GDAP2: variants seen among roughly 807,000 people sequenced by gnomAD.
GDAP2 encodes the protein ganglioside-induced differentiation-associated protein 2.
Under a neutral mutation model 67.0 loss-of-function variants are expected in GDAP2, and 51 were observed. That is an observed-to-expected ratio of 0.76 (90% CI 0.61 to 0.96). The LOEUF (loss-of-function observed/expected upper bound fraction) is 0.96, where lower values mean the gene tolerates loss of function less well. Among genes scored for constraint, GDAP2 ranks in the 40% least tolerant of loss-of-function variants. The probability of loss-of-function intolerance (pLI) is 0.00; values close to 1 mark genes in which losing one functional copy is unlikely to be tolerated. For missense variants in GDAP2, 547 were observed against 588.3 expected (o/e 0.93, Z 0.73); for synonymous variants, 203 against 207.3 (o/e 0.98, Z 0.18).
intron 9 of GDAP2, among the ~76,000 whole-genome samples, chr1:117,887,335 G>A (rs1257283946): frequency 1.3e-5 from 2 of 152,130 alleles, no homozygotes; most frequent in African/African-American, 4.8e-5. Context: ...AGTACCGTCT[G>A]TAAAAGAAAT....
chr1:117,900,826 C>T (rs889903528), intron 6 of GDAP2, among the ~76,000 whole-genome samples: 3 of 150,498 alleles, frequency 2.0e-5, no homozygotes, highest in Admixed American at 6.6e-5. Flanking sequence ...TTAGGGAGGC[C>T]GAGGCGGACA....
intron 8 of GDAP2, among the ~76,000 whole-genome samples, chr1:117,890,440 C>A (rs904177944): frequency 1.3e-4 from 19 of 151,902 alleles, no homozygotes; most frequent in Admixed American, 1.2e-3. Context: ...TATCTATATT[C>A]AATGAACTCT....
At chr1:117,915,076 G>GT (rs1650002568) in intron 3 of GDAP2, among the ~76,000 whole-genome samples, 1 of 152,112 alleles carries the variant, frequency 6.6e-6, no homozygotes, top group Non-Finnish European at 1.5e-5. Flanking sequence ...AAAATGGAAT[G>GT]TAAGGGTCAA....
intron 1 of GDAP2, among the ~76,000 whole-genome samples, chr1:117,922,511 T>C (rs920624513): frequency 1.3e-5 from 2 of 152,214 alleles, no homozygotes; most frequent in African/African-American, 4.8e-5. Context: ...TAGGTTCTTT[T>C]CTATTTCCCT....
intron 11 of GDAP2, among the ~76,000 whole-genome samples, chr1:117,882,517 G>A (rs368937233): frequency 8.6e-5 from 13 of 152,008 alleles, no homozygotes; most frequent in Admixed American, 5.2e-4. Context: ...GCCTCTCTAC[G>A]TGTGCCTGAG....
Position 117,863,658 on chromosome 1 carries a change from G to GAA in GDAP2, c.*6909_*6910dup, listed in dbSNP as rs1647969947. ...AATAAATATTTTTGAGAAAATATAAGAAAATAAACTTTCTAAATAAGCAAT... is the reference window on the plus strand; with the variant it reads ...AATAAATATTTTTGAGAAAATATAAGAAAAAATAAACTTTCTAAATAAGCAAT... On this transcript the variant is annotated 3_prime_UTR_variant, in exon 14 of 14. Coordinates refer to ENST00000369443, the MANE Select transcript of GDAP2 (RefSeq NM_017686.4). 6.6e-6 allele frequency: 1 copy of GAA among 152,168 alleles called. No homozygotes were observed. Among genetic ancestry groups the GAA allele is most frequent in the South Asian group, 2.1e-4 (1 of 4,826 alleles). The allele number at this position is 152,168 out of a possible 1,614,324, so 9.4% of individuals were successfully genotyped here. A position where few individuals can be genotyped will look rare whatever the true frequency, so the allele number is the denominator to read the frequency against.
intron 10 of GDAP2, among the ~76,000 whole-genome samples, chr1:117,885,874 A>G (rs1648836693): frequency 6.6e-6 from 1 of 152,120 alleles, no homozygotes; most frequent in Non-Finnish European, 1.5e-5. Context: ...TGTGGGTTCA[A>G]TTGTCCCTTG....
Position 117,883,304 on chromosome 1 carries a change from C to T in GDAP2, c.1247+184G>A, listed in dbSNP as rs973842928. The T allele has an allele frequency of 1.6e-5, 8 of 505,234 alleles. No homozygotes were observed. In the South Asian group the frequency reaches 2.0e-4, roughly 12 times the overall value. 31.3% of individuals were successfully genotyped at this position (505,234 alleles called of 1,614,324 possible). On this transcript the variant is annotated intron_variant, in intron 11 of 13. Transcript: ENST00000369443. ...TGTAAAAAGTTTACATATGAATTTA[C>T]TTTAATGCAAAATAAGTTTCAGTTA...
intron 8 of GDAP2, among the ~76,000 whole-genome samples, chr1:117,888,589 T>C (rs1486766169): frequency 2.6e-5 from 4 of 152,164 alleles, no homozygotes; most frequent in Non-Finnish European, 5.9e-5. Flanking sequence ...TACTATATCA[T>C]ACTAATTTCT....
chr1:117,915,786 C>A (rs959403363), intron 3 of GDAP2, among the ~76,000 whole-genome samples: 1 of 151,646 alleles, frequency 6.6e-6, no homozygotes, highest in African/African-American at 2.4e-5. Flanking sequence ...AATAAGCCAA[C>A]CCTGCCTATT....
chr1:117,883,623 AGAGCC>A lies in GDAP2; in HGVS notation c.1108-1_1111del, dbSNP rs774410943. 6.3e-7 allele frequency: 1 copy of A among 1,596,636 alleles called. No homozygotes were observed. The highest frequency in any genetic ancestry group is 8.6e-7 in the Non-Finnish European group (1 of 1,166,006). On this transcript the variant is annotated splice_acceptor_variant and coding_sequence_variant, in exon 11 of 14. Coordinates refer to ENST00000369443, the MANE Select transcript of GDAP2 (RefSeq NM_017686.4). LOFTEE classifies it high-confidence loss of function. ...ATCCATTACATGAATGAAATATAAGAGAGCCTAAAAGATAAAAGGGGAATAAAGGT... is the reference window on the plus strand; with the variant it reads ...ATCCATTACATGAATGAAATATAAGATAAAAGATAAAAGGGGAATAAAGGT...
chr1:117,897,236 C>G (rs76167225), intron 7 of GDAP2, among the ~76,000 whole-genome samples: 2,547 of 152,166 alleles, frequency 0.017, 32 homozygotes, highest in Middle Eastern at 0.071. Context: ...GGGTGTAACC[C>G]TAGGAAGAAA....
chr1:117,867,030 T>G lies in GDAP2; in HGVS notation c.*3539A>C, dbSNP rs1392768899. On this transcript the variant is annotated 3_prime_UTR_variant, in exon 14 of 14. Coordinates refer to ENST00000369443, the MANE Select transcript of GDAP2 (RefSeq NM_017686.4). ...GTACTTCAAATTCTAATCATTTCTG[T>G]GCATATATTAAGCAATTTAAACTCT... The G allele has an allele frequency of 6.6e-6, 1 of 152,170 alleles. No individual in the cohort carries two copies. The highest frequency in any genetic ancestry group is 1.5e-5 in the Non-Finnish European group (1 of 68,026). The allele number at this position is 152,170 out of a possible 1,614,324, so 9.4% of individuals were successfully genotyped here.
At chr1:117,874,692 A>G (rs1351025908) in intron 13 of GDAP2, among the ~76,000 whole-genome samples, 1 of 152,214 alleles carries the variant, frequency 6.6e-6, no homozygotes, top group Non-Finnish European at 1.5e-5. Flanking sequence ...AAGACAACAG[A>G]AAGACTTAGG....
chr1:117,890,214 G>C (rs1002755781), intron 8 of GDAP2, among the ~76,000 whole-genome samples: 2 of 152,140 alleles, frequency 1.3e-5, no homozygotes, highest in East Asian at 3.9e-4. Context: ...GAGCAGAGTG[G>C]AGGCAAATTC....
At chr1:117,883,717 A>C in intron 10 of GDAP2, 90 bp from the exon 11 acceptor site, 10 of 870,894 alleles carry the variant, frequency 1.1e-5, no homozygotes, top group Non-Finnish European at 1.8e-5. Context: ...AAAACAAAAT[A>C]GAAAATTAAC....
At chr1:117,911,808 G>A (rs1378559258) in intron 5 of GDAP2, among the ~76,000 whole-genome samples, 186 bp downstream of exon 5, 4 of 150,016 alleles carry the variant, frequency 2.7e-5, no homozygotes, top group African/African-American at 4.9e-5. Flanking sequence ...TATGTTGCTC[G>A]GGCTGGAGTG....
In GDAP2 at chr1:117,878,134, T is replaced by TA; in HGVS notation, c.1320dup (p.Thr441TyrfsTer31). 1 of 1,589,054 alleles carries TA rather than the reference T, an allele frequency of 6.3e-7. No homozygotes were observed. The highest frequency in any genetic ancestry group is 8.6e-7 in the Non-Finnish European group (1 of 1,163,650). On this transcript the variant is annotated frameshift_variant, in exon 13 of 14. Transcript: ENST00000369443. LOFTEE classifies it high-confidence loss of function. ...TTCAGTCCTGAGACAGAAAAGGTGG[T>TA]AAAAAACCATGTTGACACCTGATTA...
chr1:117,874,029 C>T (rs1648377531), intron 13 of GDAP2, among the ~76,000 whole-genome samples: 1 of 152,190 alleles, frequency 6.6e-6, no homozygotes, highest in South Asian at 2.1e-4. Flanking sequence ...TGGCAATTCT[C>T]CCTTGCAGAA....
Sources: allele counts gnomAD v4.1 joint callset (sites outside exome capture counted in the v4.1 genomes callset), GRCh38; gene constraint gnomAD v4.1.1; transcripts MANE v1.5; gene names NCBI Gene and HGNC (gene_info 2026-07-23, HGNC 2026-07-21).